Variants in ADAM32 observed in about 807,000 individuals in gnomAD.
The protein encoded by ADAM32 is disintegrin and metalloproteinase domain-containing protein 32.
ADAM32 carries 89 observed loss-of-function variants against 114.9 expected under a neutral mutation model. The observed-to-expected ratio is 0.77, with a 90% confidence interval of 0.65 to 0.92. ADAM32 has a LOEUF of 0.92. Among genes scored for constraint, ADAM32 ranks in the 40% least tolerant of loss-of-function variants. The pLI is 0.00. For synonymous variants in ADAM32, 285 were observed against 307.5 expected (o/e 0.93, Z 0.77); for missense variants, 870 against 932.8 (o/e 0.93, Z 0.88).
chr8:39,234,896 G>T (rs79848448), intron 16 of ADAM32, among the ~76,000 whole-genome samples: 10,222 of 152,254 alleles, frequency 0.067, 491 homozygotes, highest in Non-Finnish European at 0.085. Context: ...CTTTCCCCAT[G>T]CTTTTCTTAA....
intron 1 of ADAM32, 22 bp from the exon 2 acceptor site, chr8:39,118,061 CTTT>C (rs746884956): frequency 1.8e-4 from 199 of 1,093,086 alleles, no homozygotes; most frequent in African/African-American, 3.4e-4. Flanking sequence ...AGGTTACTAA[CTTT>C]TTTTTTTTTT....
At position 39,214,520 on chromosome 8, in the gene ADAM32, C is replaced by A. The variant is rs113324428; in HGVS notation, c.1233+3196C>A. On this transcript the variant is annotated intron_variant, in intron 12 of 24. Transcript: ENST00000379907. ...AATGTCTATTCAGACATTTTGCCCACCTTTAAATCAGATTATTAGATTTTT... is the reference window on the plus strand; with the variant it reads ...AATGTCTATTCAGACATTTTGCCCAACTTTAAATCAGATTATTAGATTTTT... Among the ~76,000 whole-genome samples, 1,367 of 152,164 alleles carry A rather than the reference C, an allele frequency of 9.0e-3. 8 individuals are homozygous for A. The highest frequency in any genetic ancestry group is 0.015 in the Non-Finnish European group (1,015 of 67,932).
At chr8:39,198,527 A>AC (rs1394265038) in intron 11 of ADAM32, among the ~76,000 whole-genome samples, 5 of 152,024 alleles carry the variant, frequency 3.3e-5, no homozygotes, top group African/African-American at 1.2e-4. Context: ...ACAGGTGTGC[A>AC]CCACCATGCC....
At chr8:39,157,076 G>A (rs1040758338) in intron 6 of ADAM32, among the ~76,000 whole-genome samples, 2 of 152,110 alleles carry the variant, frequency 1.3e-5, no homozygotes, top group African/African-American at 4.8e-5. Context: ...ATTCTTGTTT[G>A]ACAGTTTTTT....
intron 12 of ADAM32, among the ~76,000 whole-genome samples, chr8:39,217,903 C>T (rs1002939502): frequency 6.6e-6 from 1 of 152,118 alleles, no homozygotes; most frequent in African/African-American, 2.4e-5. Context: ...GTCAGATTTT[C>T]CTGGATGGTC....
At chr8:39,148,145 C>T (rs1174042617) in intron 4 of ADAM32, among the ~76,000 whole-genome samples, 1 of 152,176 alleles carries the variant, frequency 6.6e-6, no homozygotes, top group Non-Finnish European at 1.5e-5. Context: ...CCCTGCTTCT[C>T]TGCTCAGAAC....
At chr8:39,179,426 C>G (rs1445934191) in intron 10 of ADAM32, among the ~76,000 whole-genome samples, 1 of 152,200 alleles carries the variant, frequency 6.6e-6, no homozygotes, top group East Asian at 1.9e-4. Context: ...GATTCAGCCC[C>G]CTTCCTACAG....
At chr8:39,132,807 A>G (rs1015895103) in intron 2 of ADAM32, among the ~76,000 whole-genome samples, 5 of 151,134 alleles carry the variant, frequency 3.3e-5, no homozygotes, top group African/African-American at 1.2e-4. Flanking sequence ...GGCCTACATT[A>G]TTTCAAATGA....
At chr8:39,107,673 C>T, upstream of ADAM32, 1 of 1,537,184 alleles carries the variant, frequency 6.5e-7, no homozygotes, top group Non-Finnish European at 8.7e-7. Context: ...GAACGCTGTC[C>T]CATGAACGTG....
chr8:39,257,935 A>G (rs187937459), intron 19 of ADAM32, among the ~76,000 whole-genome samples: 6 of 151,346 alleles, frequency 4.0e-5, no homozygotes, highest in African/African-American at 1.4e-4. Context: ...TGCAGCTGCA[A>G]TTCCTTCTGG....
intron 2 of ADAM32, among the ~76,000 whole-genome samples, chr8:39,136,181 TAAAGTC>T (rs1405002887): frequency 1.3e-5 from 2 of 152,194 alleles, no homozygotes; most frequent in Middle Eastern, 3.2e-3. Context: ...ATAGTAGAGA[TAAAGTC>T]AAAGACAATA....
chr8:39,222,959 T>G, intron 13 of ADAM32, 81 bp from the exon 14 acceptor site: 2 of 1,229,028 alleles, frequency 1.6e-6, no homozygotes, highest in African/African-American at 3.1e-5. Flanking sequence ...GCGAAAATGA[T>G]TAACACAATT....
At chr8:39,120,771 A>G (rs1281372417) in intron 2 of ADAM32, among the ~76,000 whole-genome samples, 1 of 151,892 alleles carries the variant, frequency 6.6e-6, no homozygotes, top group African/African-American at 2.4e-5. Context: ...CAAAAAAAAA[A>G]AAAAAAAAAG....
chr8:39,160,803 C>A, intron 6 of ADAM32, 94 bp from the exon 7 acceptor site: 2 of 1,084,476 alleles, frequency 1.8e-6, no homozygotes, highest in Non-Finnish European at 1.3e-6. Context: ...CTCTGCATAT[C>A]TTGTAAGTGC....
intron 16 of ADAM32, among the ~76,000 whole-genome samples, chr8:39,241,068 C>T (rs1290615010): frequency 6.6e-6 from 1 of 152,040 alleles, no homozygotes; most frequent in Admixed American, 6.5e-5. Flanking sequence ...AGAAATTGGC[C>T]AAAACAAAGG....
chr8:39,265,197 A>G (rs539230094), intron 19 of ADAM32, among the ~76,000 whole-genome samples: 3 of 152,276 alleles, frequency 2.0e-5, no homozygotes, highest in African/African-American at 7.2e-5. Context: ...GGGCCCATAT[A>G]TATTTAGGAT....
chr8:39,181,994 TACTTAC>T (rs1462602769), intron 10 of ADAM32, among the ~76,000 whole-genome samples: 1 of 152,232 alleles, frequency 6.6e-6, no homozygotes, highest in African/African-American at 2.4e-5. Flanking sequence ...ACAATTTTTA[TACTTAC>T]ACTTTTACAA....
chr8:39,227,252 G>T (rs1474504527), intron 14 of ADAM32, among the ~76,000 whole-genome samples: 8 of 152,178 alleles, frequency 5.3e-5, no homozygotes, highest in Non-Finnish European at 1.2e-4. Flanking sequence ...ACCCCCACTG[G>T]AGAAACTGAA....
chr8:39,281,012 G>C, intron 22 of ADAM32, 124 bp from the exon 23 acceptor site: 1 of 245,976 alleles, frequency 4.1e-6, no homozygotes, highest in Non-Finnish European at 7.8e-6. Flanking sequence ...TCGATCTCCT[G>C]ACCTTGTGAT....
Sources: allele counts gnomAD v4.1 joint callset (sites outside exome capture counted in the v4.1 genomes callset), GRCh38; gene constraint gnomAD v4.1.1; transcripts MANE v1.5; gene names NCBI Gene and HGNC (gene_info 2026-07-23, HGNC 2026-07-21).